The following BID variants were observed in gnomAD, a reference collection of about 807,000 sequenced individuals.
The protein encoded by BID is BH3-interacting domain death agonist.
Under a neutral mutation model 17.4 loss-of-function variants are expected in BID, and 19 were observed. The observed-to-expected ratio is 1.09, with a 90% confidence interval of 0.76 to 1.60. The LOEUF (loss-of-function observed/expected upper bound fraction) is 1.60, where lower values mean the gene tolerates loss of function less well. Ranked by LOEUF, BID falls within the 40% of genes most tolerant of loss-of-function variation. The pLI is 0.00. For missense variants in BID, 226 were observed against 256.0 expected (o/e 0.88, Z 0.80); for synonymous variants, 108 against 102.8 (o/e 1.05, Z -0.31).
In BID at chr22:17,774,388, C is replaced by A; in HGVS notation, c.-66G>T. 4.3e-6 allele frequency: 1 copy of A among 231,414 alleles called. No homozygotes were observed. The highest frequency in any genetic ancestry group is 9.3e-6 in the Non-Finnish European group (1 of 107,488). 14.3% of individuals were successfully genotyped at this position (231,414 alleles called of 1,614,324 possible). A position where few individuals can be genotyped will look rare whatever the true frequency, so the allele number is the denominator to read the frequency against. On this transcript the variant is annotated 5_prime_UTR_variant, in exon 1 of 6. Coordinates refer to ENST00000622694, the MANE Select transcript of BID (RefSeq NM_001196.4). ...GGGCGCGGGTGCACTCACCACCCTC[C>A]AGCCGCGGGGGCGCGGGCGCGTCCG...
Position 17,772,123 on chromosome 22 carries a change from C to T in BID, c.-59+2258G>A, listed in dbSNP as rs1293692611. Among the ~76,000 whole-genome samples the T allele has an allele frequency of 8.9e-4, 136 of 152,238 alleles. 5 individuals carry two copies. Among genetic ancestry groups the T allele is most frequent in the Admixed American group, 8.8e-3 (134 of 15,282 alleles). On this transcript the variant is annotated intron_variant, in intron 1 of 5. Coordinates refer to ENST00000622694, the MANE Select transcript of BID (RefSeq NM_001196.4). ...GGGGATGCTACCCTCGTCTGACCAC[C>T]GTGATGTGAGCCAGTCAGCACACAT...
chr22:17,748,605 G>A (rs563794643), intron 2 of BID, among the ~76,000 whole-genome samples: 2 of 152,350 alleles, frequency 1.3e-5, no homozygotes, highest in African/African-American at 4.8e-5. Flanking sequence ...AAGTTTCGGA[G>A]TGTTTCGCTG....
At chr22:17,740,282 C>T in intron 3 of BID, 1 of 994,156 alleles carries the variant, frequency 1.0e-6, no homozygotes, top group East Asian at 2.6e-5. Context: ...GCTCAATAAA[C>T]AATGGCAGGG....
At chr22:17,742,470 T>TCC (rs1158334746) in intron 3 of BID, among the ~76,000 whole-genome samples, 21 of 121,320 alleles carry the variant, frequency 1.7e-4, no homozygotes, top group Admixed American at 3.4e-4. Flanking sequence ...CTCAGACACC[T>TCC]CCCCCCACCC....
intron 1 of BID, among the ~76,000 whole-genome samples, chr22:17,760,412 A>G (rs1434077128): frequency 1.4e-5 from 2 of 138,150 alleles, no homozygotes; most frequent in Non-Finnish European, 3.0e-5. Context: ...AGATCGCGCC[A>G]CTGCACTCCA....
At chr22:17,744,211 C>T (rs1375640829) in intron 2 of BID, among the ~76,000 whole-genome samples, 198 bp from the exon 3 acceptor site, 2 of 152,148 alleles carry the variant, frequency 1.3e-5, no homozygotes, top group African/African-American at 4.8e-5. Flanking sequence ...CAGCACTGCC[C>T]GTAGATGGCA....
chr22:17,759,241 C>CAAAACACAAAAAA (rs2061616911), intron 1 of BID, among the ~76,000 whole-genome samples: 1 of 97,084 alleles, frequency 1.0e-5, no homozygotes, highest in Non-Finnish European at 1.8e-5. Context: ...AAACAAAAAA[C>CAAAACACAAAAAA]AAAACAAAAA....
chr22:17,773,791 C>G lies in BID; in HGVS notation c.-59+590G>C. On this transcript the variant is annotated intron_variant, in intron 1 of 5. Coordinates refer to ENST00000622694, the MANE Select transcript of BID (RefSeq NM_001196.4). This position sits in a 1 kb window ranked among gnomAD's most constrained non-coding sequence, Gnocchi z 4.4. ...GGTCCCCTGGGGTCATTCAGCCACT[C>G]AACAGTTTCCCAGCAGCAGCAGCGA... is the stretch of plus-strand genomic sequence containing the variant. 2 of 1,091,616 alleles carry G rather than the reference C, an allele frequency of 1.8e-6. No individual in the cohort carries two copies. Among genetic ancestry groups the G allele is most frequent in the East Asian group, 5.2e-5 (2 of 38,752 alleles). 67.6% of individuals were successfully genotyped at this position (1,091,616 alleles called of 1,614,324 possible).
intron 1 of BID, among the ~76,000 whole-genome samples, chr22:17,756,518 C>G (rs536989377): frequency 6.8e-6 from 1 of 146,808 alleles, no homozygotes; most frequent in South Asian, 2.5e-4. Context: ...CTGTCTGTCT[C>G]TCTCTTTCTT....
In BID at chr22:17,756,788, C is replaced by T. The variant is rs960670088; in HGVS notation, c.-58-6614G>A. ...ATGGGGTTTCACTATGTTGGCCAGG[C>T]GGGTCTCAAACTCCTGACCTTGCGA... is the stretch of plus-strand genomic sequence containing the variant. On this transcript the variant is annotated intron_variant, in intron 1 of 5. Transcript: ENST00000622694. Among the ~76,000 whole-genome samples the T allele has an allele frequency of 3.2e-4, 49 of 151,836 alleles. 1 individual carries two copies. Among genetic ancestry groups the T allele is most frequent in the Admixed American group, 2.8e-3 (42 of 15,220 alleles).
intron 1 of BID, among the ~76,000 whole-genome samples, chr22:17,756,531 CTTCTTTCCTTCCTTCCTTCT>C (rs1173093863): frequency 1.6e-5 from 2 of 126,464 alleles, no homozygotes; most frequent in East Asian, 2.1e-4. Flanking sequence ...TCTTTCTTTC[CTTCTTTCCTTCCTTCCTTCT>C]TTCTTTCCTT....
rs558658535 is a variant in BID at position 17,773,497 on chromosome 22, C to A, written c.-59+884G>T. The A allele has an allele frequency of 1.8e-6, 2 of 1,100,164 alleles. No individual in the cohort carries two copies. Among genetic ancestry groups the A allele is most frequent in the South Asian group, 2.6e-5 (2 of 76,554 alleles). 68.2% of individuals were successfully genotyped at this position (1,100,164 alleles called of 1,614,324 possible). A position where few individuals can be genotyped will look rare whatever the true frequency, so the allele number is the denominator to read the frequency against. ...TAAGGCTCCAGGAAGGGGGTGCAAG[C>A]CTGAGAAGGTGGAAGAGCTCTGGGT... On this transcript the variant is annotated intron_variant, in intron 1 of 5. Transcript: ENST00000622694. This position sits in a 1 kb window ranked among gnomAD's most constrained non-coding sequence, Gnocchi z 4.4.
intron 3 of BID, among the ~76,000 whole-genome samples, chr22:17,741,649 A>AT (rs1002228333): frequency 1.4e-3 from 210 of 151,220 alleles, no homozygotes; most frequent in African/African-American, 4.7e-3. Flanking sequence ...ATTTTTATAT[A>AT]TTTTTTTTAG....
At chr22:17,748,512 A>T (rs1001518841) in intron 2 of BID, among the ~76,000 whole-genome samples, 2 of 152,288 alleles carry the variant, frequency 1.3e-5, no homozygotes, top group Admixed American at 1.3e-4. Context: ...TCTCAAAAAA[A>T]AAAATAAAAA....
intron 3 of BID, among the ~76,000 whole-genome samples, chr22:17,743,454 C>G (rs2061474317): frequency 6.6e-6 from 1 of 152,228 alleles, no homozygotes; most frequent in Non-Finnish European, 1.5e-5. Flanking sequence ...ATAATCCAGA[C>G]AAGTGGTCTG....
At chr22:17,752,758 CG>C (rs2061548991) in intron 1 of BID, among the ~76,000 whole-genome samples, 1 of 152,022 alleles carries the variant, frequency 6.6e-6, no homozygotes, top group African/African-American at 2.4e-5. Flanking sequence ...CTCCACTTCC[CG>C]GGTTCCAGGG....
rs539523794 is a variant in BID, at chr22:17,763,478, A to C, written c.-59+10903T>G. ...AAGCTGGTCTCGAACTTCTGACCTC[A>C]GGTGATCCGCCCGCCTTGGTCTCCC... On this transcript the variant is annotated intron_variant, in intron 1 of 5. Transcript: ENST00000622694. Among the ~76,000 whole-genome samples the C allele has an allele frequency of 2.6e-5, 4 of 152,256 alleles. No homozygotes were observed. In the East Asian group the frequency reaches 7.7e-4, roughly 29 times the overall value.
Position 17,761,653 on chromosome 22 carries a change from G to A in BID, c.-58-11479C>T, listed in dbSNP as rs559009077. On this transcript the variant is annotated intron_variant, in intron 1 of 5. Coordinates refer to ENST00000622694, the MANE Select transcript of BID (RefSeq NM_001196.4). ...TCACCGTGTTAGCCAGGATGGTCTC[G>A]ATCTCCTGACATCGTCGTGATCCAC... is the stretch of plus-strand genomic sequence containing the variant. Among the ~76,000 whole-genome samples the A allele has an allele frequency of 5.9e-5, 9 of 152,126 alleles. No individual in the cohort carries two copies. In the East Asian group the frequency reaches 1.7e-3, roughly 29 times the overall value.
At position 17,773,640 on chromosome 22, in the gene BID, C is replaced by T. The variant is rs752931494; in HGVS notation, c.-59+741G>A. On this transcript the variant is annotated intron_variant, in intron 1 of 5. Coordinates refer to ENST00000622694, the MANE Select transcript of BID (RefSeq NM_001196.4). The surrounding 1 kb of genome is among the most constrained non-coding windows in gnomAD (Gnocchi z 4.4). ...CCGCACTGTGCTCCTCCAGCCGGCC[C>T]GGCCCCTCGCTGCCCACCGAGCCAT... is the stretch of plus-strand genomic sequence containing the variant. 1.9e-6 allele frequency: 3 copies of T among 1,612,164 alleles called. No individual in the cohort carries two copies. Among genetic ancestry groups the T allele is most frequent in the Non-Finnish European group, 8.5e-7 (1 of 1,179,976 alleles).
Sources: allele counts gnomAD v4.1 joint callset (sites outside exome capture counted in the v4.1 genomes callset), GRCh38; gene constraint gnomAD v4.1.1; non-coding constraint Gnocchi (gnomAD v3.1); transcripts MANE v1.5; gene names NCBI Gene and HGNC (gene_info 2026-07-23, HGNC 2026-07-21).